CTBP2: variants seen among roughly 807,000 people sequenced by gnomAD.
CTBP2 encodes C-terminal-binding protein 2.
Under a neutral mutation model 80.3 loss-of-function variants are expected in CTBP2, and 30 were observed. The ratio of observed to expected loss-of-function variants is 0.37; its 90% confidence interval spans 0.28 to 0.51. The LOEUF (loss-of-function observed/expected upper bound fraction) is 0.51, where lower values mean the gene tolerates loss of function less well. Ranked by LOEUF, CTBP2 falls within the 20% of genes least tolerant of loss-of-function variation. The pLI, the probability that CTBP2 is intolerant of heterozygous loss-of-function variation, is 0.93. For synonymous variants in CTBP2, 594 were observed against 587.4 expected, an observed-to-expected ratio of 1.01 and a Z score of -0.16; for missense variants, 1,212 against 1,375.3, an observed-to-expected ratio of 0.88 and a Z score of 1.88.
At chr10:125,138,933 C>T (rs1857368607) in intron 1 of CTBP2, among the ~76,000 whole-genome samples, 1 of 152,214 alleles carries the variant, frequency 6.6e-6, no homozygotes, top group Non-Finnish European at 1.5e-5. Context: ...TGCCAAAGAG[C>T]TGTGTGTTCC....
At chr10:125,133,042 A>T (rs1248801657) in intron 1 of CTBP2, among the ~76,000 whole-genome samples, 2 of 152,332 alleles carry the variant, frequency 1.3e-5, no homozygotes, top group East Asian at 3.9e-4. Flanking sequence ...TGTGGCCCAC[A>T]TCCCTGAACT....
At chr10:125,159,643 G>C (rs888055784) in intron 1 of CTBP2, among the ~76,000 whole-genome samples, 1 of 150,250 alleles carries the variant, frequency 6.7e-6, no homozygotes, top group Non-Finnish European at 1.5e-5. Flanking sequence ...CCGCCGGCAG[G>C]GGCAGCGCCC....
chr10:125,144,304 G>C (rs1423799356), intron 1 of CTBP2, among the ~76,000 whole-genome samples: 1 of 152,180 alleles, frequency 6.6e-6, no homozygotes, highest in Non-Finnish European at 1.5e-5. Context: ...GGACGGCCTG[G>C]TATTGGTGGA....
intron 1 of CTBP2, chr10:125,160,009 G>C (rs1434585667): frequency 6.8e-6 from 1 of 147,278 alleles, no homozygotes; most frequent in Admixed American, 6.8e-5. Context: ...CGCCTACTTC[G>C]CATTCATCAA....
chr10:125,052,009 C>A (rs1330646703), intron 2 of CTBP2, among the ~76,000 whole-genome samples: 1 of 152,186 alleles, frequency 6.6e-6, no homozygotes, highest in Non-Finnish European at 1.5e-5. Flanking sequence ...AGACTTCCAG[C>A]CTCTAGAACT....
At chr10:125,029,224 ATTT>A (rs1057199711), upstream of CTBP2, among the ~76,000 whole-genome samples, 1 of 143,850 alleles carries the variant, frequency 7.0e-6, no homozygotes. Flanking sequence ...CAGTCTTTAA[ATTT>A]TTTTTTTTTG....
chr10:125,136,791 T>C (rs1485038595), intron 1 of CTBP2, among the ~76,000 whole-genome samples: 2 of 152,220 alleles, frequency 1.3e-5, no homozygotes, highest in Non-Finnish European at 2.9e-5. Flanking sequence ...ACGCTGCCTA[T>C]TAGTCCCCCC....
intron 2 of CTBP2, among the ~76,000 whole-genome samples, chr10:125,079,467 C>A (rs1564869494): frequency 6.6e-6 from 1 of 152,234 alleles, no homozygotes; most frequent in Non-Finnish European, 1.5e-5. Flanking sequence ...CCATACTCCG[C>A]ATTCTCCTTA....
intron 1 of CTBP2, among the ~76,000 whole-genome samples, chr10:125,114,801 C>A (rs1233369608): frequency 7.3e-6 from 1 of 137,056 alleles, no homozygotes; most frequent in Non-Finnish European, 1.6e-5. Flanking sequence ...CACCCACCCA[C>A]CCAAATGCAG....
chr10:125,070,323 C>A lies in CTBP2; in HGVS notation c.-101-31168G>T, dbSNP rs148368264. On this transcript the variant is annotated intron_variant, in intron 2 of 10. Transcript: ENST00000337195. ...CCGAGATCGTGCCACTGCACTCCAG[C>A]CTGAGTGACAGAGAGAGACTCTGTC... Among the ~76,000 whole-genome samples, 1,258 of 151,902 alleles carry A rather than the reference C, an allele frequency of 8.3e-3. 18 individuals are homozygous for A. Among genetic ancestry groups the A allele is most frequent in the African/African-American group, 0.029 (1,205 of 41,190 alleles).
At chr10:125,015,146 G>A (rs1956341945) in intron 1 of CTBP2, among the ~76,000 whole-genome samples, 1 of 152,192 alleles carries the variant, frequency 6.6e-6, no homozygotes, top group Admixed American at 6.5e-5. Flanking sequence ...GGAAACCTGC[G>A]TGGTCAGTCC....
Position 125,069,351 on chromosome 10 carries a change from C to T in CTBP2, c.-101-30196G>A, listed in dbSNP as rs1002383504. On this transcript the variant is annotated intron_variant, in intron 2 of 10. Coordinates refer to the CTBP2 transcript ENST00000337195. ...TACTGCCTATGGCCAAGTGCGGTGGCTCACACCCGTTATCCCAGCACTTTG... is the reference window on the plus strand; with the variant it reads ...TACTGCCTATGGCCAAGTGCGGTGGTTCACACCCGTTATCCCAGCACTTTG... Among the ~76,000 whole-genome samples, 2 of 152,244 alleles carry T rather than the reference C, an allele frequency of 1.3e-5. 1 individual carries two copies. The highest frequency in any genetic ancestry group is 4.1e-4 in the South Asian group (2 of 4,832).
chr10:125,148,238 G>A (rs968476325), intron 1 of CTBP2, among the ~76,000 whole-genome samples: 1 of 152,178 alleles, frequency 6.6e-6, no homozygotes, highest in African/African-American at 2.4e-5. Flanking sequence ...AGTGAGCACA[G>A]CAGTTAGCTC....
chr10:125,068,605 T>C (rs866916056), intron 2 of CTBP2, among the ~76,000 whole-genome samples: 3 of 152,186 alleles, frequency 2.0e-5, no homozygotes, highest in South Asian at 2.1e-4. Flanking sequence ...CCACAGATGC[T>C]GGCTGTCCCG....
chr10:125,161,308 G>A (rs1452656531), upstream of CTBP2: 1 of 152,026 alleles, frequency 6.6e-6, no homozygotes, highest in African/African-American at 2.4e-5. Context: ...CGGTGGCAGG[G>A]GCCGAGGTCC....
intron 3 of CTBP2, chr10:124,999,831 T>G (rs1954194346): frequency 6.6e-6 from 1 of 152,234 alleles, no homozygotes; most frequent in African/African-American, 2.4e-5. Context: ...AAGAAAATCT[T>G]TGGCGGCTGG....
intron 1 of CTBP2, among the ~76,000 whole-genome samples, chr10:125,125,421 T>G (rs1564980004): frequency 6.6e-6 from 1 of 152,120 alleles, no homozygotes; most frequent in East Asian, 1.9e-4. Context: ...CTTGTCAATA[T>G]CCGGTGTTTG....
chr10:125,021,177 C>T (rs1400699732), intron 1 of CTBP2, among the ~76,000 whole-genome samples: 1 of 152,180 alleles, frequency 6.6e-6, no homozygotes, highest in Non-Finnish European at 1.5e-5. Context: ...CAAGGGTCAA[C>T]CACGACAAGA....
chr10:125,107,139 G>A (rs185754901), intron 2 of CTBP2, among the ~76,000 whole-genome samples: 1 of 152,374 alleles, frequency 6.6e-6, no homozygotes, highest in African/African-American at 2.4e-5. Context: ...AAGAGCTTCA[G>A]CGGGGGCCCC....
Sources: gnomAD v4.1 joint callset for allele counts (sites outside exome capture counted in the v4.1 genomes callset) on GRCh38, gnomAD v4.1.1 for gene constraint, MANE v1.5 for transcripts, NCBI Gene and HGNC (gene_info 2026-07-23, HGNC 2026-07-21) for gene names.